The following BPIFB1 variants were observed in gnomAD, a reference collection of about 807,000 sequenced individuals.
BPIFB1 encodes the protein BPI fold-containing family B member 1.
In BPIFB1, 34 loss-of-function variants were observed where a neutral mutation model predicts 55.1. That is an observed-to-expected ratio of 0.62 (90% CI 0.47 to 0.82). The LOEUF is 0.82. Among genes scored for constraint, BPIFB1 ranks in the 40% least tolerant of loss-of-function variants. The pLI, the probability that BPIFB1 is intolerant of heterozygous loss-of-function variation, is 0.00. For synonymous variants in BPIFB1, 236 were observed against 245.3 expected (o/e 0.96, Z 0.35); for missense variants, 532 against 593.1 (o/e 0.90, Z 1.07).
intron 14 of BPIFB1, among the ~76,000 whole-genome samples, 162 bp downstream of exon 14, chr20:33,306,227 C>A (rs1054033801): frequency 6.6e-6 from 1 of 152,190 alleles, no homozygotes; most frequent in Admixed American, 6.5e-5. Context: ...AGCCCAATTC[C>A]TTTGCTAGTG....
rs1457915587 is a variant in BPIFB1 at position 33,304,826 on chromosome 20, A to G, written c.1209-20A>G. 1.9e-6 allele frequency: 3 copies of G among 1,614,182 alleles called. No individual in the cohort carries two copies. The South Asian group carries it at 3.3e-5, about 18-fold the overall frequency. On this transcript the variant is annotated intron_variant, in intron 12 of 15. Coordinates refer to ENST00000253354, the MANE Select transcript of BPIFB1 (RefSeq NM_033197.3). ...GAGTGGGACTTCAGGGGCCGCTCTCACAGGCATCTTCCATTGCAGCTCTGA... is the reference window on the plus strand; with the variant it reads ...GAGTGGGACTTCAGGGGCCGCTCTCGCAGGCATCTTCCATTGCAGCTCTGA...
At chr20:33,289,837 A>G in intron 3 of BPIFB1, 48 bp from the exon 4 acceptor site, 3 of 1,541,208 alleles carry the variant, frequency 1.9e-6, no homozygotes, top group Non-Finnish European at 9.0e-7. Flanking sequence ...TGGATTTGGG[A>G]ATAATGAGCC....
At chr20:33,306,147 C>A in intron 14 of BPIFB1, 82 bp downstream of exon 14, 1 of 1,419,166 alleles carries the variant, frequency 7.0e-7, no homozygotes, top group Middle Eastern at 1.8e-4. Flanking sequence ...TGAATGGGGC[C>A]CCTTTCATTC....
chr20:33,295,739 AAGG>A (rs1487427400), intron 6 of BPIFB1, among the ~76,000 whole-genome samples: 1 of 148,476 alleles, frequency 6.7e-6, no homozygotes, highest in African/African-American at 2.5e-5. Context: ...GGAAGGAAGG[AAGG>A]AGAGAGAGAG....
intron 15 of BPIFB1, chr20:33,307,919 C>G (rs78383452): frequency 4.1e-5 from 6 of 147,610 alleles, no homozygotes; most frequent in African/African-American, 1.0e-4. Context: ...ATCCCCCCCC[C>G]AAAAAAAAAA....
At chr20:33,285,941 A>G (rs1980251912) in intron 1 of BPIFB1, 92 bp from the exon 2 acceptor site, 3 of 746,492 alleles carry the variant, frequency 4.0e-6, no homozygotes, top group Non-Finnish European at 6.8e-6. Context: ...ACTGCACTCA[A>G]CAGCCTCTCC....
intron 10 of BPIFB1, 125 bp downstream of exon 10, chr20:33,302,537 T>TA (rs1980886808): frequency 9.5e-7 from 1 of 1,051,546 alleles, no homozygotes; most frequent in Admixed American, 1.9e-5. Context: ...ACCGCATCCC[T>TA]GTCCGCACAG....
At chr20:33,290,649 G>A (rs1980436366) in intron 4 of BPIFB1, among the ~76,000 whole-genome samples, 1 of 152,204 alleles carries the variant, frequency 6.6e-6, no homozygotes, top group Admixed American at 6.5e-5. Context: ...GCAAGGCCAT[G>A]AGAGGAGCAG....
At chr20:33,295,662 GAGAAAGAA>G (rs748483377) in intron 6 of BPIFB1, among the ~76,000 whole-genome samples, 6 of 136,122 alleles carry the variant, frequency 4.4e-5, no homozygotes, top group East Asian at 2.0e-4. Flanking sequence ...GAAAGAAAGA[GAGAAAGAA>G]AGAAAGAAAG....
rs1981164313 is a variant in BPIFB1, at chr20:33,309,635, G to A, written c.1396-73G>A. The A allele has an allele frequency of 1.9e-5, 28 of 1,465,972 alleles. No individual in the cohort carries two copies. In the South Asian group the frequency reaches 3.2e-4, roughly 17 times the overall value. The allele number at this position is 1,465,972 out of a possible 1,614,324, so 90.8% of individuals were successfully genotyped here. ...CGGTGCCAGCAGTCACCTTATGGAG[G>A]ACAAAACCAGCATAAACCACAAGGC... On this transcript the variant is annotated intron_variant, in intron 15 of 15. Coordinates refer to ENST00000253354, the MANE Select transcript of BPIFB1 (RefSeq NM_033197.3). The surrounding 1 kb of genome is among the most constrained non-coding windows in gnomAD (Gnocchi z 4.4).
chr20:33,302,531 C>T, intron 10 of BPIFB1, 119 bp downstream of exon 10: 1 of 1,096,162 alleles, frequency 9.1e-7, no homozygotes, highest in South Asian at 1.3e-5. Flanking sequence ...ACTCAAACCG[C>T]ATCCCTGTCC....
At position 33,304,861 on chromosome 20, in the gene BPIFB1, G is replaced by A. The variant is rs1980971921; in HGVS notation, c.1224G>A (p.Gln408=). ...TCCATTGCAGCTCTGATCGGATCCA[G>A]CTGATGAACTCTGGGATTGGCTGGT... The part of the protein sequence containing the change: ...NLNNISSDRI[Q]LMNSGIGWFQ... Residue 408 remains glutamine (Q), a synonymous_variant, in exon 13 of 16, where the codon CAG becomes CAA. Transcript: ENST00000253354. 2 of 1,614,082 alleles carry A rather than the reference G, an allele frequency of 1.2e-6. No individual in the cohort carries two copies. Among genetic ancestry groups the A allele is most frequent in the Non-Finnish European group, 1.7e-6 (2 of 1,180,032 alleles).
Position 33,306,070 on chromosome 20 carries a change from A to T in BPIFB1, c.1318+5A>T. 1 of 1,614,022 alleles carries T rather than the reference A, an allele frequency of 6.2e-7. No individual in the cohort carries two copies. Among genetic ancestry groups the T allele is most frequent in the Non-Finnish European group, 8.5e-7 (1 of 1,179,904 alleles). ...TCCTGCTGCCGAACCAGAATGGTGCATACCTCTGCCATCTGTGCCCCCTCT... is the reference window on the plus strand; with the variant it reads ...TCCTGCTGCCGAACCAGAATGGTGCTTACCTCTGCCATCTGTGCCCCCTCT... On this transcript the variant is annotated splice_donor_5th_base_variant and intron_variant, in intron 14 of 15. Transcript: ENST00000253354.
intron 6 of BPIFB1, among the ~76,000 whole-genome samples, chr20:33,295,228 T>A (rs1018292666): frequency 7.7e-5 from 11 of 142,202 alleles, no homozygotes; most frequent in Non-Finnish European, 1.5e-4. Flanking sequence ...AAAAAAAAAA[T>A]TAAAAATAAA....
At chr20:33,307,074 C>T (rs1981055184) in intron 15 of BPIFB1, 87 bp downstream of exon 15, 1 of 1,234,640 alleles carries the variant, frequency 8.1e-7, no homozygotes, top group South Asian at 1.2e-5. Flanking sequence ...TGCACTCCAA[C>T]CCCAGCCTAC....
At position 33,309,643 on chromosome 20, in the gene BPIFB1, CA is replaced by C; in HGVS notation, c.1396-64del. On this transcript the variant is annotated intron_variant, in intron 15 of 15. Transcript: ENST00000253354. This position sits in a 1 kb window ranked among gnomAD's most constrained non-coding sequence, Gnocchi z 4.4. ...GCAGTCACCTTATGGAGGACAAAACCAGCATAAACCACAAGGCAAAAGGTTA... is the reference window on the plus strand; with the variant it reads ...GCAGTCACCTTATGGAGGACAAAACCGCATAAACCACAAGGCAAAAGGTTA... The C allele has an allele frequency of 6.6e-7, 1 of 1,517,036 alleles. No homozygotes were observed. Among genetic ancestry groups the C allele is most frequent in the Non-Finnish European group, 9.2e-7 (1 of 1,092,460 alleles). 94.0% of individuals were successfully genotyped at this position (1,517,036 alleles called of 1,614,324 possible). A position where few individuals can be genotyped will look rare whatever the true frequency, so the allele number is the denominator to read the frequency against.
At chr20:33,307,919 C>T (rs78383452) in intron 15 of BPIFB1, 1 of 147,610 alleles carries the variant, frequency 6.8e-6, no homozygotes, top group Non-Finnish European at 1.5e-5. Flanking sequence ...ATCCCCCCCC[C>T]AAAAAAAAAA....
chr20:33,289,830 A>G (rs1348815549), intron 3 of BPIFB1, 55 bp from the exon 4 acceptor site: 38 of 1,514,750 alleles, frequency 2.5e-5, no homozygotes, highest in Non-Finnish European at 3.3e-5. Context: ...GAGGGAGTGG[A>G]TTTGGGAATA....
intron 13 of BPIFB1, among the ~76,000 whole-genome samples, 155 bp from the exon 14 acceptor site, chr20:33,305,847 T>A (rs1046455830): frequency 6.6e-6 from 1 of 152,066 alleles, no homozygotes; most frequent in African/African-American, 2.4e-5. Flanking sequence ...ATCTGGTCCC[T>A]GGGAGCCCCC....
Sources: allele counts gnomAD v4.1 joint callset (sites outside exome capture counted in the v4.1 genomes callset), GRCh38; gene constraint gnomAD v4.1.1; non-coding constraint Gnocchi (gnomAD v3.1); transcripts MANE v1.5; gene names NCBI Gene and HGNC (gene_info 2026-07-23, HGNC 2026-07-21).